NOS3: variants seen among roughly 807,000 people sequenced by gnomAD.
NOS3 encodes the protein NOS type III.
NOS3 carries 98 observed loss-of-function variants against 144.9 expected under a neutral mutation model. The observed-to-expected ratio is 0.68, with a 90% CI of 0.57 to 0.80. The LOEUF is 0.80. NOS3 is among the 30% of genes least tolerant of loss of function. NOS3 has a pLI of 0.00. For missense variants in NOS3, 1,465 were observed against 1,656.4 expected, an observed-to-expected ratio of 0.88 and a Z score of 2.01; for synonymous variants, 714 against 702.4, an observed-to-expected ratio of 1.02 and a Z score of -0.26.
chr7:151,006,333 C>A, intron 14 of NOS3, 94 bp from the exon 15 acceptor site: 1 of 875,098 alleles, frequency 1.1e-6, no homozygotes, highest in Non-Finnish European at 1.8e-6. Flanking sequence ...AGTTACAAAT[C>A]AATAATAATG....
chr7:151,008,102 G>A (rs1795233916), intron 17 of NOS3, among the ~76,000 whole-genome samples: 1 of 152,068 alleles, frequency 6.6e-6, no homozygotes, highest in South Asian at 2.1e-4. Context: ...GCAGCGGGAT[G>A]AGACCACATC....
In NOS3 at chr7:151,013,782, G is replaced by A; in HGVS notation, c.3314G>A (p.Cys1105Tyr). 2 of 1,611,550 alleles carry A rather than the reference G, an allele frequency of 1.2e-6. No individual in the cohort carries two copies. The highest frequency in any genetic ancestry group is 1.7e-6 in the Non-Finnish European group (2 of 1,179,376). The change falls in exon 26 of 27, where the codon TGC becomes TAC. Residue 1105 changes from cysteine to tyrosine, a missense_variant. Cys to Tyr is a radical substitution (Grantham distance 194, BLOSUM62 -2). Coordinates refer to ENST00000297494, the MANE Select transcript of NOS3 (RefSeq NM_000603.5). Reference protein sequence around the residue: ...ELAAEVHRVLCLERGHMFVCG... With the variant: ...ELAAEVHRVLYLERGHMFVCG... ...GCTGCGGAGGTGCACCGCGTGCTGT[G>A]CCTCGAGCGGGGCCACATGTTTGTC...
chr7:151,008,763 C>G, intron 17 of NOS3, 167 bp from the exon 18 acceptor site: 1 of 723,958 alleles, frequency 1.4e-6, no homozygotes, highest in Non-Finnish European at 2.1e-6. Context: ...GGCCCAGCGG[C>G]CAATCCATGA....
At position 151,001,877 on chromosome 7, in the gene NOS3, C is replaced by G. The variant is rs765572803; in HGVS notation, c.1559C>G (p.Ala520Gly). 33 of 1,613,584 alleles carry G rather than the reference C, an allele frequency of 2.0e-5. 1 individual carries two copies. The South Asian group carries it at 3.4e-4, about 17-fold the overall frequency. Residue 520 changes from alanine to glycine, a missense_variant, in exon 13 of 27, where the codon GCG (alanine) becomes GGG (glycine). Around this residue, in one of 5 missense-constraint regions of NOS3, gnomAD observed 745 missense variants for 853.9 expected, o/e 0.87. Transcript: ENST00000297494. ...ACGGTGATGGCGAAGCGAGTGAAGGCGACAATCCTGTATGGCTCCGAGACC... is the reference window on the plus strand; with the variant it reads ...ACGGTGATGGCGAAGCGAGTGAAGGGGACAATCCTGTATGGCTCCGAGACC... ...MGTVMAKRVK[A>G]TILYGSETGR...
chr7:150,993,302 C>T lies in NOS3; in HGVS notation c.-51-451C>T, dbSNP rs539285322. ...TATGGGGGGAGGTGAAGGAGAGAAC[C>T]TGCATGACCCTAGAGGTCCCTGTGG... On this transcript the variant is annotated intron_variant, in intron 1 of 26. Transcript: ENST00000297494. The surrounding 1 kb of genome is among the most constrained non-coding windows in gnomAD (Gnocchi z 4.0). 1.3e-5 allele frequency among the ~76,000 whole-genome samples: 2 copies of T among 152,304 alleles called. No homozygotes were observed. Among genetic ancestry groups the T allele is most frequent in the African/African-American group, 4.8e-5 (2 of 41,564 alleles).
intron 25 of NOS3, 55 bp downstream of exon 25, chr7:151,013,434 C>T (rs1795352412): frequency 1.9e-5 from 30 of 1,559,954 alleles, no homozygotes; most frequent in Admixed American, 5.3e-5. Flanking sequence ...GAGGGGAGGA[C>T]TCGCGCTCTC....
rs761543450 is a variant in NOS3 at position 151,014,192 on chromosome 7, A to G, written c.*23A>G. On this transcript the variant is annotated 3_prime_UTR_variant, in exon 27 of 27. Coordinates refer to ENST00000297494, the MANE Select transcript of NOS3 (RefSeq NM_000603.5). ...TGAGAGCCGCCTGGCTTTCCCTTCC[A>G]GTTCCGGGAGAGCGGCTGCCCGACT... is the stretch of plus-strand genomic sequence containing the variant. 20 of 1,585,048 alleles carry G rather than the reference A, an allele frequency of 1.3e-5. No individual in the cohort carries two copies. Among genetic ancestry groups the G allele is most frequent in the Non-Finnish European group, 1.5e-5 (18 of 1,163,464 alleles).
At position 151,013,635 on chromosome 7, in the gene NOS3, A is replaced by C. The variant is rs1795360841; in HGVS notation, c.3256-89A>C. ...AGGCCCCACCAGGCCCGCTCCGGAG[A>C]CTTTCACGTCCAGGGCCAGCCAGCA... is the stretch of plus-strand genomic sequence containing the variant. On this transcript the variant is annotated intron_variant, in intron 25 of 26. Transcript: ENST00000297494. 7 of 1,274,038 alleles carry C rather than the reference A, an allele frequency of 5.5e-6. No homozygotes were observed. In the East Asian group the frequency reaches 1.6e-4, roughly 28 times the overall value. 78.9% of individuals were successfully genotyped at this position (1,274,038 alleles called of 1,614,324 possible).
Position 151,009,589 on chromosome 7 carries a change from AG to A in NOS3, c.2512+8del. ...CAGCTGGAGAAGGGCAGCCCTGGTG[AG>A]GGGCAGCCTGGGAAGCAACAGGGCA... On this transcript the variant is annotated splice_donor_5th_base_variant and intron_variant, in intron 20 of 26. Transcript: ENST00000297494. 6.6e-7 allele frequency: 1 copy of A among 1,523,080 alleles called. No individual in the cohort carries two copies. The allele number at this position is 1,523,080 out of a possible 1,614,324, so 94.3% of individuals were successfully genotyped here. A position where few individuals can be genotyped will look rare whatever the true frequency, so the allele number is the denominator to read the frequency against.
chr7:150,994,404 TGGG>T (rs1393732292), intron 2 of NOS3, among the ~76,000 whole-genome samples: 1 of 152,102 alleles, frequency 6.6e-6, no homozygotes, highest in East Asian at 1.9e-4. Context: ...AGTGAGAAAG[TGGG>T]GTCTCCCAGA....
At position 151,003,932 on chromosome 7, in the gene NOS3, T is replaced by C. The variant is rs2117123576; in HGVS notation, c.1752+1628T>C. Reference sequence around the variant, plus strand: ...TGAATAAACCTGTTATGAACATTCTTGTACCCGGCTTTTGTGGGCTTATGT... The same window carrying C: ...TGAATAAACCTGTTATGAACATTCTCGTACCCGGCTTTTGTGGGCTTATGT... On this transcript the variant is annotated intron_variant, in intron 14 of 26. Transcript: ENST00000297494. The surrounding 1 kb of genome is among the most constrained non-coding windows in gnomAD (Gnocchi z 4.1). 3.0e-6 allele frequency: 1 copy of C among 335,762 alleles called. No individual in the cohort carries two copies. The highest frequency in any genetic ancestry group is 5.8e-6 in the Non-Finnish European group (1 of 171,690). 20.8% of individuals were successfully genotyped at this position (335,762 alleles called of 1,614,324 possible).
chr7:151,014,293 C>A lies in NOS3; in HGVS notation c.*124C>A. The A allele has an allele frequency of 9.8e-7, 1 of 1,016,826 alleles. No individual in the cohort carries two copies. Among genetic ancestry groups the A allele is most frequent in the Non-Finnish European group, 1.4e-6 (1 of 713,730 alleles). 63.0% of individuals were successfully genotyped at this position (1,016,826 alleles called of 1,614,324 possible). On this transcript the variant is annotated 3_prime_UTR_variant, in exon 27 of 27. Coordinates refer to ENST00000297494, the MANE Select transcript of NOS3 (RefSeq NM_000603.5). ...CCTTCTCACATCTGTCCAGAGGCTG[C>A]AAGGATTCAGCATTATTCCTCCAGG...
In NOS3 at chr7:151,010,117, G is replaced by T; in HGVS notation, c.2515G>T (p.Gly839Cys). ...AGCTCCCTGTGCACTATCCCCAGGT[G>T]GCCCTCCCCCCGGCTGGGTGCGGGA... is the stretch of plus-strand genomic sequence containing the variant. ...VEQLEKGSPG[G>C]PPPGWVRDPR... The change falls in exon 21 of 27, where the codon GGC becomes TGC. Residue 839 changes from glycine (G) to cysteine (C), a missense_variant and splice_region_variant. Transcript: ENST00000297494. 1 of 1,587,992 alleles carries T rather than the reference G, an allele frequency of 6.3e-7. No homozygotes were observed. Among genetic ancestry groups the T allele is most frequent in the Non-Finnish European group, 8.6e-7 (1 of 1,159,928 alleles).
intron 14 of NOS3, among the ~76,000 whole-genome samples, chr7:151,005,120 G>A (rs1013106727): frequency 1.5e-4 from 23 of 152,194 alleles, no homozygotes; most frequent in Admixed American, 3.9e-4. Flanking sequence ...GATTACAGGC[G>A]TGAGCCACCA....
chr7:151,009,290 C>A lies in NOS3; in HGVS notation c.2324+23C>A, dbSNP rs745405515. The A allele has an allele frequency of 2.3e-5, 37 of 1,591,794 alleles. No homozygotes were observed. The South Asian group carries it at 4.1e-4, about 18-fold the overall frequency. On this transcript the variant is annotated intron_variant, in intron 19 of 26. Coordinates refer to ENST00000297494, the MANE Select transcript of NOS3 (RefSeq NM_000603.5). ...CACGTGAGGACGACGGCTTTACCGCCCCCCCACCCCTGTCCTGAACACCCT... is the reference window on the plus strand; with the variant it reads ...CACGTGAGGACGACGGCTTTACCGCACCCCCACCCCTGTCCTGAACACCCT...
chr7:151,009,678 A>AG, intron 20 of NOS3, 93 bp downstream of exon 20: 1 of 1,140,120 alleles, frequency 8.8e-7, no homozygotes, highest in Non-Finnish European at 1.2e-6. Context: ...GACCCGACCC[A>AG]GGGGGTGGCC....
rs771868695 is a variant in NOS3, at chr7:151,001,635, C to T, written c.1502+18C>T. 1.2e-6 allele frequency: 2 copies of T among 1,610,992 alleles called. No homozygotes were observed. The highest frequency in any genetic ancestry group is 1.7e-6 in the Non-Finnish European group (2 of 1,177,500). On this transcript the variant is annotated intron_variant, in intron 12 of 26. Coordinates refer to ENST00000297494, the MANE Select transcript of NOS3 (RefSeq NM_000603.5). The stretch of plus-strand genomic sequence containing the variant: ...GTGGCCAAGTGGGTCCCCTGGGAGC[C>T]CCGCTCTCCCACACACACCCTGGGG...
chr7:151,013,583 C>A (rs557984323), intron 25 of NOS3, 141 bp from the exon 26 acceptor site: 2 of 1,023,390 alleles, frequency 2.0e-6, no homozygotes, highest in Non-Finnish European at 2.8e-6. Flanking sequence ...TTGGCTCTGC[C>A]CCTGTTGACA....
chr7:151,013,679 G>A, intron 25 of NOS3, 45 bp from the exon 26 acceptor site: 1 of 738,130 alleles, frequency 1.4e-6, no homozygotes, highest in Non-Finnish European at 2.2e-6. Flanking sequence ...CTGCGCCCCC[G>A]CGCCCACCCC....
Sources: gnomAD v4.1 joint callset for allele counts (sites outside exome capture counted in the v4.1 genomes callset) on GRCh38, gnomAD v4.1.1 for gene constraint, gnomAD v4.1.1 regional missense constraint, Gnocchi (gnomAD v3.1) non-coding constraint, MANE v1.5 for transcripts, NCBI Gene and HGNC (gene_info 2026-07-23, HGNC 2026-07-21) for gene names.